Variants in IPO7 observed in about 807,000 individuals in gnomAD.
The protein encoded by IPO7 is importin 7.
IPO7 carries 13 observed loss-of-function variants against 136.4 expected under a neutral mutation model. The observed-to-expected ratio is 0.10, with a 90% CI of 0.06 to 0.15. The LOEUF (loss-of-function observed/expected upper bound fraction) is 0.15. Ranked by LOEUF, IPO7 falls within the 10% of genes least tolerant of loss-of-function variation. The pLI is 1.00. For synonymous variants in IPO7, 403 were observed against 404.4 expected, an observed-to-expected ratio of 1.00 and a Z score of 0.04; for missense variants, 857 against 1,240.6, an observed-to-expected ratio of 0.69 and a Z score of 4.65.
intron 8 of IPO7, among the ~76,000 whole-genome samples, chr11:9,422,419 TAAAA>T (rs1192501099): frequency 4.0e-4 from 61 of 151,528 alleles, no homozygotes; most frequent in African/African-American, 1.5e-3. Flanking sequence ...TTTTTTTTTT[TAAAA>T]AAAGACAATA....
chr11:9,419,424 T>C (rs1313073336), intron 6 of IPO7, among the ~76,000 whole-genome samples: 2 of 151,604 alleles, frequency 1.3e-5, no homozygotes, highest in African/African-American at 4.8e-5. Flanking sequence ...GGTGCAAGCC[T>C]GTAGTCCCAG....
intron 5 of IPO7, among the ~76,000 whole-genome samples, chr11:9,415,989 G>T (rs1196777431): frequency 6.6e-6 from 1 of 152,162 alleles, no homozygotes; most frequent in African/African-American, 2.4e-5. Flanking sequence ...CATCTGCTAA[G>T]ATCATTGGTT....
At chr11:9,434,851 C>A in intron 18 of IPO7, 83 bp from the exon 19 acceptor site, 1 of 913,516 alleles carries the variant, frequency 1.1e-6, no homozygotes. Flanking sequence ...CATAGATTTG[C>A]CTTTTTCTAA....
chr11:9,396,118 G>A (rs964062751), intron 1 of IPO7, among the ~76,000 whole-genome samples: 8 of 151,948 alleles, frequency 5.3e-5, no homozygotes, highest in African/African-American at 1.7e-4. Flanking sequence ...GTGTTGGGCC[G>A]GGCGTGGTGG....
chr11:9,426,330 C>T (rs1319980009), intron 12 of IPO7, among the ~76,000 whole-genome samples: 1 of 152,162 alleles, frequency 6.6e-6, no homozygotes, highest in Admixed American at 6.5e-5. Flanking sequence ...CAAGGATTAT[C>T]TGTGTTATAG....
chr11:9,426,300 T>G (rs1387477660), intron 12 of IPO7, among the ~76,000 whole-genome samples: 1 of 152,216 alleles, frequency 6.6e-6, no homozygotes, highest in Non-Finnish European at 1.5e-5. Context: ...GGTGACTTCT[T>G]TCATTTAGTG....
chr11:9,404,039 T>C (rs1166839813), intron 2 of IPO7, among the ~76,000 whole-genome samples: 2 of 152,220 alleles, frequency 1.3e-5, no homozygotes, highest in African/African-American at 4.8e-5. Flanking sequence ...TTCATTTCTT[T>C]TTAATTTATT....
intron 1 of IPO7, chr11:9,402,734 T>TC (rs1244512684): frequency 6.5e-6 from 1 of 154,036 alleles, no homozygotes; most frequent in East Asian, 1.9e-4. Flanking sequence ...GTAGCGCTAG[T>TC]CCCAGCTACT....
At chr11:9,402,547 C>A (rs1277200205) in intron 1 of IPO7, among the ~76,000 whole-genome samples, 1 of 151,270 alleles carries the variant, frequency 6.6e-6, no homozygotes, top group Non-Finnish European at 1.5e-5. Flanking sequence ...TATGGTGAAA[C>A]CCCGACTCTA....
chr11:9,426,217 A>T (rs1013296666), intron 12 of IPO7, among the ~76,000 whole-genome samples: 1 of 152,184 alleles, frequency 6.6e-6, no homozygotes, highest in Non-Finnish European at 1.5e-5. Flanking sequence ...CCTATAGTCC[A>T]CATTTTTTCT....
chr11:9,408,660 C>A, intron 3 of IPO7, 21 bp downstream of exon 3: 1 of 1,466,744 alleles, frequency 6.8e-7, no homozygotes, highest in Non-Finnish European at 9.1e-7. Context: ...TTAAAATTTA[C>A]CCATTTCTGC....
intron 2 of IPO7, among the ~76,000 whole-genome samples, chr11:9,405,615 G>A (rs1258931845): frequency 1.3e-5 from 2 of 152,104 alleles, no homozygotes; most frequent in Admixed American, 6.6e-5. Context: ...TAGAGATGGC[G>A]TCCTGCCATA....
In IPO7 at chr11:9,389,917, C is replaced by T. The variant is rs1246704813; in HGVS notation, c.84+5070C>T. Among the ~76,000 whole-genome samples, 5 of 152,040 alleles carry T rather than the reference C, an allele frequency of 3.3e-5. 1 individual carries two copies. Among genetic ancestry groups the T allele is most frequent in the South Asian group, 4.1e-4 (2 of 4,820 alleles). On this transcript the variant is annotated intron_variant, in intron 1 of 24. Coordinates refer to ENST00000379719, the MANE Select transcript of IPO7 (RefSeq NM_006391.3). ...GATTAAAGGAATGCACCACCACACA[C>T]GGCTAATTTTTGTGTTTTTAGTAGA...
chr11:9,444,996 A>G, intron 24 of IPO7, 101 bp from the exon 25 acceptor site: 1 of 736,486 alleles, frequency 1.4e-6, no homozygotes, highest in Non-Finnish European at 2.4e-6. Flanking sequence ...CTTCCTGGCC[A>G]CTAATGATGG....
chr11:9,393,672 C>A (rs1027425404), intron 1 of IPO7, among the ~76,000 whole-genome samples: 11 of 152,044 alleles, frequency 7.2e-5, no homozygotes, highest in Non-Finnish European at 1.0e-4. Flanking sequence ...CGTGAGCCAC[C>A]ACACCAGGCC....
chr11:9,404,124 T>C (rs999111050), intron 2 of IPO7, among the ~76,000 whole-genome samples: 1 of 152,212 alleles, frequency 6.6e-6, no homozygotes, highest in African/African-American at 2.4e-5. Flanking sequence ...CAGATTACAT[T>C]TTTGTGTTAT....
intron 1 of IPO7, among the ~76,000 whole-genome samples, chr11:9,391,151 G>A (rs938453580): frequency 6.6e-5 from 10 of 151,860 alleles, no homozygotes; most frequent in Non-Finnish European, 1.0e-4. Context: ...CTGTAATCCA[G>A]CACTTTGGGA....
At chr11:9,397,361 T>TATATATATATATATATATATATATAA (rs377148636) in intron 1 of IPO7, among the ~76,000 whole-genome samples, 1 of 42,282 alleles carries the variant, frequency 2.4e-5, no homozygotes, top group Non-Finnish European at 4.0e-5. Flanking sequence ...TATATATATA[T>TATATATATATATATATATATATATAA]ATATTAGTCG....
In IPO7 at chr11:9,445,026, A is replaced by G; in HGVS notation, c.3020-71A>G. ...TGATGGTTAAGCTACTGGCTTGTTT[A>G]ATGTTTTGTCAGTTTCTCACCAAGT... On this transcript the variant is annotated intron_variant, in intron 24 of 24. Transcript: ENST00000379719. 3.2e-6 allele frequency: 3 copies of G among 940,496 alleles called. No individual in the cohort carries two copies. In the South Asian group the frequency reaches 4.0e-5, roughly 12 times the overall value. 58.3% of individuals were successfully genotyped at this position (940,496 alleles called of 1,614,324 possible).
Sources: gnomAD v4.1 joint callset for allele counts (sites outside exome capture counted in the v4.1 genomes callset) on GRCh38, gnomAD v4.1.1 for gene constraint, MANE v1.5 for transcripts, NCBI Gene and HGNC (gene_info 2026-07-23, HGNC 2026-07-21) for gene names.